The following LIMCH1 variants were observed in gnomAD, a reference collection of about 807,000 sequenced individuals.
The protein encoded by LIMCH1 is LIM and calponin homology domains 1.
A neutral mutation model predicts 176.5 loss-of-function variants in LIMCH1; 113 were observed. That is an observed-to-expected ratio of 0.64 (90% CI 0.55 to 0.75). The LOEUF (loss-of-function observed/expected upper bound fraction) is 0.75. Ranked by LOEUF, LIMCH1 falls within the 30% of genes least tolerant of loss-of-function variation. The pLI is 0.00. For missense variants in LIMCH1, 1,674 were observed against 1,814.9 expected (o/e 0.92, Z 1.41); for synonymous variants, 619 against 645.9 (o/e 0.96, Z 0.63).
At chr4:41,639,051 A>G (rs1246072951) in intron 14 of LIMCH1, 84 bp downstream of exon 14, 11 of 1,034,562 alleles carry the variant, frequency 1.1e-5, no homozygotes, top group Middle Eastern at 2.1e-4. Flanking sequence ...TTGAAATGCA[A>G]CTGATGCAAG....
At chr4:41,658,615 C>A (rs1367173786) in intron 18 of LIMCH1, among the ~76,000 whole-genome samples, 1 of 152,140 alleles carries the variant, frequency 6.6e-6, no homozygotes, top group Non-Finnish European at 1.5e-5. Context: ...CTAAGTGGCA[C>A]ACTTTTCACA....
At chr4:41,407,381 A>G (rs1390471498) in intron 1 of LIMCH1, among the ~76,000 whole-genome samples, 1 of 152,158 alleles carries the variant, frequency 6.6e-6, no homozygotes, top group Non-Finnish European at 1.5e-5. Flanking sequence ...GGCATTTGCC[A>G]CCATGCCTGG....
At chr4:41,566,817 A>C (rs919832254) in intron 1 of LIMCH1, among the ~76,000 whole-genome samples, 1 of 152,222 alleles carries the variant, frequency 6.6e-6, no homozygotes, top group African/African-American at 2.4e-5. Flanking sequence ...AAAAAAGAAG[A>C]GTTTTCTATC....
intron 1 of LIMCH1, among the ~76,000 whole-genome samples, chr4:41,580,420 C>T (rs2085226060): frequency 6.6e-6 from 1 of 152,100 alleles, no homozygotes; most frequent in African/African-American, 2.4e-5. Context: ...AACACACTCA[C>T]TGATAACCCT....
At chr4:41,627,707 A>T (rs1369791661) in intron 8 of LIMCH1, among the ~76,000 whole-genome samples, 1 of 152,182 alleles carries the variant, frequency 6.6e-6, no homozygotes, top group African/African-American at 2.4e-5. Context: ...TTGACCAGTG[A>T]TTTTTGTCCT....
intron 22 of LIMCH1, among the ~76,000 whole-genome samples, chr4:41,675,450 T>C (rs1454408095): frequency 6.6e-6 from 1 of 151,090 alleles, no homozygotes; most frequent in Non-Finnish European, 1.5e-5. Context: ...CCCGTCAACT[T>C]CCCCACCCGT....
chr4:41,395,973 G>A (rs2057764974), intron 1 of LIMCH1, among the ~76,000 whole-genome samples: 1 of 152,308 alleles, frequency 6.6e-6, no homozygotes, highest in Admixed American at 6.5e-5. Context: ...TTACTGAGAA[G>A]GTGACAGTGG....
At chr4:41,546,231 C>T (rs2079372627) in intron 1 of LIMCH1, among the ~76,000 whole-genome samples, 1 of 152,014 alleles carries the variant, frequency 6.6e-6, no homozygotes. Flanking sequence ...CTCCACCTCC[C>T]TGGTTCAAGC....
chr4:41,557,902 A>G (rs565079471), intron 1 of LIMCH1, among the ~76,000 whole-genome samples: 1 of 152,154 alleles, frequency 6.6e-6, no homozygotes, highest in African/African-American at 2.4e-5. Context: ...TTTGACACCA[A>G]TACACACTTT....
At position 41,360,797 on chromosome 4, in the gene LIMCH1, G is replaced by A. The variant is rs995953332; in HGVS notation, c.-44G>A. 4.9e-6 allele frequency: 7 copies of A among 1,436,670 alleles called. No individual in the cohort carries two copies. The African/African-American group carries it at 7.4e-5, about 15-fold the overall frequency. The allele number at this position is 1,436,670 out of a possible 1,614,324, so 89.0% of individuals were successfully genotyped here. A position where few individuals can be genotyped will look rare whatever the true frequency, so the allele number is the denominator to read the frequency against. On this transcript the variant is annotated 5_prime_UTR_variant, in exon 1 of 27. Transcript: ENST00000313860. The surrounding 1 kb of genome is among the most constrained non-coding windows in gnomAD (Gnocchi z 4.5). The stretch of plus-strand genomic sequence containing the variant: ...GCGCTCCTGCGGCGGCGACGGCGGC[G>A]GCCGTCCTCATCCCGGCGCTTGAGA...
chr4:41,364,282 TTAG>T (rs1181463300), intron 1 of LIMCH1, among the ~76,000 whole-genome samples: 1 of 152,190 alleles, frequency 6.6e-6, no homozygotes, highest in Non-Finnish European at 1.5e-5. Context: ...GTAAGTATGG[TTAG>T]TAGTATTATT....
chr4:41,397,830 A>G (rs1187833056), intron 1 of LIMCH1, among the ~76,000 whole-genome samples: 11 of 152,116 alleles, frequency 7.2e-5, no homozygotes, highest in Admixed American at 6.5e-5. Context: ...TGACATTTAT[A>G]TATTTATATT....
At chr4:41,384,513 C>T (rs186282466) in intron 1 of LIMCH1, among the ~76,000 whole-genome samples, 35 of 152,184 alleles carry the variant, frequency 2.3e-4, no homozygotes, top group Admixed American at 1.4e-3. Context: ...CGGCCTACAT[C>T]GTGCTTTCTT....
chr4:41,598,547 A>G (rs1269850814), intron 1 of LIMCH1, among the ~76,000 whole-genome samples: 2 of 152,212 alleles, frequency 1.3e-5, no homozygotes, highest in East Asian at 3.8e-4. Flanking sequence ...AAGAAAGAAA[A>G]GAAAAGAAAT....
At chr4:41,523,726 G>GAT (rs2076345375) in intron 2 of LIMCH1, among the ~76,000 whole-genome samples, 1 of 152,214 alleles carries the variant, frequency 6.6e-6, no homozygotes, top group Non-Finnish European at 1.5e-5. Context: ...AACAGGCAAT[G>GAT]ATAGTTGTTT....
intron 1 of LIMCH1, among the ~76,000 whole-genome samples, chr4:41,546,603 CAG>C (rs2079443564): frequency 6.6e-6 from 1 of 151,996 alleles, no homozygotes; most frequent in South Asian, 2.1e-4. Context: ...CTAAGTCTTT[CAG>C]ATGCTTTAAC....
chr4:41,554,944 G>A (rs151337740), intron 1 of LIMCH1, among the ~76,000 whole-genome samples: 1 of 152,298 alleles, frequency 6.6e-6, no homozygotes, highest in Non-Finnish European at 1.5e-5. Context: ...GGTGGATGTT[G>A]AAGATTCAGT....
chr4:41,505,707 T>A (rs2074058866), intron 2 of LIMCH1, among the ~76,000 whole-genome samples: 1 of 152,122 alleles, frequency 6.6e-6, no homozygotes, highest in Non-Finnish European at 1.5e-5. Context: ...TACCTCTTTG[T>A]CCCATCTTTG....
At chr4:41,649,093 TA>T (rs1395682457) in intron 17 of LIMCH1, among the ~76,000 whole-genome samples, 1 of 152,132 alleles carries the variant, frequency 6.6e-6, no homozygotes, top group Non-Finnish European at 1.5e-5. Context: ...TTATTTCTTT[TA>T]AAAGATTTTA....
Sources: gnomAD v4.1 joint callset for allele counts (sites outside exome capture counted in the v4.1 genomes callset) on GRCh38, gnomAD v4.1.1 for gene constraint, Gnocchi (gnomAD v3.1) non-coding constraint, MANE v1.5 for transcripts, NCBI Gene and HGNC (gene_info 2026-07-23, HGNC 2026-07-21) for gene names.